Variants in RIT2 observed in about 807,000 individuals in gnomAD.
RIT2 encodes the protein Ras like without CAAX 2, also known as GTP-binding protein Rit2.
A neutral mutation model predicts 23.7 loss-of-function variants in RIT2; 24 were observed. That is an observed-to-expected ratio of 1.01 (90% confidence interval 0.73 to 1.43). The LOEUF (loss-of-function observed/expected upper bound fraction) is 1.43. Ranked by LOEUF, RIT2 falls within the 40% of genes most tolerant of loss-of-function variation. The pLI, the probability that RIT2 is intolerant of heterozygous loss-of-function variation, is 0.00. For missense variants in RIT2, 236 were observed against 266.9 expected (o/e 0.88, Z 0.81); for synonymous variants, 107 against 91.1 (o/e 1.17, Z -0.99).
At chr18:42,855,186 C>T (rs1402685478) in intron 4 of RIT2, among the ~76,000 whole-genome samples, 1 of 152,130 alleles carries the variant, frequency 6.6e-6, no homozygotes, top group African/African-American at 2.4e-5. Flanking sequence ...TATGAGATTT[C>T]AACACAGTTT....
chr18:43,114,222 G>A lies in RIT2; in HGVS notation c.103+1195C>T, dbSNP rs62090502. Among the ~76,000 whole-genome samples, 830 of 152,194 alleles carry A rather than the reference G, an allele frequency of 5.5e-3. 4 individuals carry two copies. Among genetic ancestry groups the A allele is most frequent in the Non-Finnish European group, 8.7e-3 (594 of 68,018 alleles). On this transcript the variant is annotated intron_variant, in intron 1 of 4. Coordinates refer to ENST00000326695, the MANE Select transcript of RIT2 (RefSeq NM_002930.4). ...ATTTTGCTACTGACCACATCCAGAT[G>A]TACCTATTTCTTTTATTTTTTATGA... is the stretch of plus-strand genomic sequence containing the variant.
chr18:42,743,913 C>T (rs1056838380), intron 4 of RIT2, among the ~76,000 whole-genome samples, 193 bp from the exon 5 acceptor site: 2 of 152,208 alleles, frequency 1.3e-5, no homozygotes, highest in East Asian at 1.9e-4. Context: ...AATGCCCTGC[C>T]CCGCCTTAAC....
intron 4 of RIT2, among the ~76,000 whole-genome samples, chr18:42,817,201 C>T (rs1003614194): frequency 1.3e-5 from 2 of 152,046 alleles, no homozygotes; most frequent in Non-Finnish European, 2.9e-5. Context: ...AGAACATCCA[C>T]GATTTAGTTG....
chr18:42,947,610 A>G (rs1200943017), intron 3 of RIT2, among the ~76,000 whole-genome samples: 1 of 152,104 alleles, frequency 6.6e-6, no homozygotes, highest in Non-Finnish European at 1.5e-5. Flanking sequence ...TGTTACAGTT[A>G]TAAAAATGAA....
chr18:43,087,008 G>A (rs1242454385), intron 1 of RIT2, among the ~76,000 whole-genome samples: 1 of 152,098 alleles, frequency 6.6e-6, no homozygotes. Flanking sequence ...ATAGCCCTTT[G>A]GGAGGCTCAG....
rs544579363 is a variant in RIT2, at chr18:42,969,708, A to T, written c.234+4366T>A. Among the ~76,000 whole-genome samples the T allele has an allele frequency of 1.4e-3, 207 of 152,090 alleles. 2 individuals carry two copies. The highest frequency in any genetic ancestry group is 0.013 in the Admixed American group (198 of 15,270). On this transcript the variant is annotated intron_variant, in intron 3 of 4. Coordinates refer to ENST00000326695, the MANE Select transcript of RIT2 (RefSeq NM_002930.4). ...AAAATTGAAGGTATTTGCAGAATTA[A>T]TTTTTTTGCTTCTAATAAGAATGAG...
intron 1 of RIT2, among the ~76,000 whole-genome samples, chr18:43,081,977 G>T (rs1913168033): frequency 6.6e-6 from 1 of 151,988 alleles, no homozygotes; most frequent in East Asian, 1.9e-4. Context: ...CTAAACACAG[G>T]TTACTCTAAG....
chr18:42,916,049 A>C (rs1050797202), intron 4 of RIT2, among the ~76,000 whole-genome samples: 4 of 151,930 alleles, frequency 2.6e-5, no homozygotes, highest in African/African-American at 9.7e-5. Flanking sequence ...CATGCACTTC[A>C]TTTTATATTC....
At chr18:42,871,730 C>T (rs1182209293) in intron 4 of RIT2, among the ~76,000 whole-genome samples, 1 of 152,214 alleles carries the variant, frequency 6.6e-6, no homozygotes, top group African/African-American at 2.4e-5. Flanking sequence ...TAGAAGCTGC[C>T]TTGGCCAGTG....
At chr18:42,848,147 G>A (rs1906957963) in intron 4 of RIT2, among the ~76,000 whole-genome samples, 1 of 151,992 alleles carries the variant, frequency 6.6e-6, no homozygotes. Flanking sequence ...TTCAATGTTG[G>A]CCATGTTGAC....
intron 1 of RIT2, among the ~76,000 whole-genome samples, chr18:43,082,116 G>C (rs1463829172): frequency 6.6e-6 from 1 of 152,104 alleles, no homozygotes. Flanking sequence ...TCCTGATTTA[G>C]TCTTGGGAGG....
At chr18:43,095,627 A>T (rs1422888175) in intron 1 of RIT2, among the ~76,000 whole-genome samples, 1 of 152,032 alleles carries the variant, frequency 6.6e-6, no homozygotes, top group Non-Finnish European at 1.5e-5. Context: ...TTAATTTTAA[A>T]TTCAATGTAA....
At chr18:42,951,078 A>C (rs1909840998) in intron 3 of RIT2, among the ~76,000 whole-genome samples, 1 of 152,082 alleles carries the variant, frequency 6.6e-6, no homozygotes, top group South Asian at 2.1e-4. Context: ...TATATATCAA[A>C]AGGAAACAAA....
chr18:42,978,871 A>T (rs1910531990), intron 2 of RIT2, among the ~76,000 whole-genome samples: 1 of 152,134 alleles, frequency 6.6e-6, no homozygotes, highest in African/African-American at 2.4e-5. Context: ...TATTTGTAAG[A>T]TGGCGATAAT....
intron 4 of RIT2, among the ~76,000 whole-genome samples, chr18:42,849,451 G>A (rs900837519): frequency 2.0e-5 from 3 of 152,008 alleles, no homozygotes; most frequent in Non-Finnish European, 4.4e-5. Flanking sequence ...GTGGAATCTC[G>A]GTTTTCTCGT....
chr18:42,990,129 GT>G (rs1329052277), intron 2 of RIT2, among the ~76,000 whole-genome samples: 3 of 151,872 alleles, frequency 2.0e-5, no homozygotes, highest in Non-Finnish European at 4.4e-5. Flanking sequence ...AGCCATTGGT[GT>G]TTTTTGAAAT....
At chr18:42,799,482 A>G (rs7227385) in intron 4 of RIT2, among the ~76,000 whole-genome samples, 46 of 152,308 alleles carry the variant, frequency 3.0e-4, no homozygotes, top group Admixed American at 8.5e-4. Flanking sequence ...ATATTTCCCA[A>G]TTGAGCTATT....
intron 1 of RIT2, among the ~76,000 whole-genome samples, chr18:43,039,586 G>C (rs1390542637): frequency 6.6e-6 from 1 of 152,022 alleles, no homozygotes; most frequent in African/African-American, 2.4e-5. Flanking sequence ...GACCTCAGGT[G>C]ATCCACCCTC....
chr18:42,994,099 T>C (rs1026137366), intron 2 of RIT2, among the ~76,000 whole-genome samples: 1 of 152,078 alleles, frequency 6.6e-6, no homozygotes, highest in Non-Finnish European at 1.5e-5. Context: ...TACCTCCCTC[T>C]ACAACCCATT....
Sources: gnomAD v4.1 joint callset for allele counts (sites outside exome capture counted in the v4.1 genomes callset) on GRCh38, gnomAD v4.1.1 for gene constraint, MANE v1.5 for transcripts, NCBI Gene and HGNC (gene_info 2026-07-23, HGNC 2026-07-21) for gene names.